WIPI2: variants seen among roughly 807,000 people sequenced by gnomAD.
WIPI2 encodes the protein WD repeat domain, phosphoinositide interacting 2, also known as WD repeat domain phosphoinositide-interacting protein 2.
Under a neutral mutation model 52.3 loss-of-function variants are expected in WIPI2, and 28 were observed. That is an observed-to-expected ratio of 0.54 (90% confidence interval 0.40 to 0.73). The LOEUF (loss-of-function observed/expected upper bound fraction) is 0.73. Ranked by LOEUF, WIPI2 falls within the 30% of genes least tolerant of loss-of-function variation. The probability of loss-of-function intolerance (pLI) is 0.00; values close to 1 mark genes in which losing one functional copy is unlikely to be tolerated. For missense variants in WIPI2, 506 were observed against 602.9 expected (o/e 0.84, Z 1.68); for synonymous variants, 268 against 245.0 (o/e 1.09, Z -0.88).
At position 5,231,041 on chromosome 7, in the gene WIPI2, G is replaced by T. The variant is rs1421916573; in HGVS notation, c.*94G>T. 2.0e-6 allele frequency: 2 copies of T among 1,015,072 alleles called. No homozygotes were observed. The allele number at this position is 1,015,072 out of a possible 1,614,324, so 62.9% of individuals were successfully genotyped here. Reference sequence around the variant, plus strand: ...GCTATGAACTTTGACCTGAGTCGGGGGAGAGGATGGCAGAGACTTTATTAA... The same window carrying T: ...GCTATGAACTTTGACCTGAGTCGGGTGAGAGGATGGCAGAGACTTTATTAA... On this transcript the variant is annotated 3_prime_UTR_variant, in exon 13 of 13. Transcript: ENST00000288828.
At chr7:5,213,698 GTTT>G (rs1426442845) in intron 3 of WIPI2, among the ~76,000 whole-genome samples, 26 of 149,232 alleles carry the variant, frequency 1.7e-4, no homozygotes, top group African/African-American at 6.1e-4. Context: ...TGTTGTTGTT[GTTT>G]TTGAGATGGA....
intron 11 of WIPI2, 76 bp from the exon 12 acceptor site, chr7:5,229,532 C>T: frequency 1.3e-6 from 2 of 1,530,314 alleles, no homozygotes; most frequent in East Asian, 2.4e-5. Context: ...TCTGTTGCCG[C>T]AGGGCAGCCA....
intron 12 of WIPI2, 45 bp downstream of exon 12, chr7:5,229,783 C>A (rs761883984): frequency 1.2e-6 from 2 of 1,608,668 alleles, no homozygotes; most frequent in East Asian, 4.5e-5. Flanking sequence ...GCCCCACAGC[C>A]CCGAGTGCTA....
chr7:5,228,294 C>G, intron 11 of WIPI2, 83 bp downstream of exon 11: 11 of 1,279,274 alleles, frequency 8.6e-6, no homozygotes, highest in Non-Finnish European at 1.2e-5. Flanking sequence ...TTGTTTATTT[C>G]CTTGCAAACC....
intron 2 of WIPI2, among the ~76,000 whole-genome samples, chr7:5,198,625 C>T (rs1781868767): frequency 6.6e-6 from 1 of 152,018 alleles, no homozygotes; most frequent in South Asian, 2.1e-4. Flanking sequence ...GCTTACTTAA[C>T]TCTCATATTC....
At chr7:5,209,389 C>G in intron 3 of WIPI2, among the ~76,000 whole-genome samples, 1 of 152,164 alleles carries the variant, frequency 6.6e-6, no homozygotes, top group East Asian at 1.9e-4. Context: ...GATCAAATAT[C>G]TTCACCATTA....
At position 5,227,605 on chromosome 7, in the gene WIPI2, T is replaced by C. The variant is rs1341929455; in HGVS notation, c.1013+261T>C. 6.6e-6 allele frequency among the ~76,000 whole-genome samples: 1 copy of C among 152,132 alleles called. No homozygotes were observed. Among genetic ancestry groups the C allele is most frequent in the Non-Finnish European group, 1.5e-5 (1 of 68,032 alleles). On this transcript the variant is annotated intron_variant, in intron 10 of 12. Coordinates refer to ENST00000288828, the MANE Select transcript of WIPI2 (RefSeq NM_015610.4). This position sits in a 1 kb window ranked among gnomAD's most constrained non-coding sequence, Gnocchi z 8.1. Reference sequence around the variant, plus strand: ...TTAATGAAAGACGTTAAGTCAAACCTCGTGAGTGTGCCGTAGTTAACCCTT... The same window carrying C: ...TTAATGAAAGACGTTAAGTCAAACCCCGTGAGTGTGCCGTAGTTAACCCTT...
At chr7:5,219,442 C>T (rs1046993662) in intron 7 of WIPI2, among the ~76,000 whole-genome samples, 1 of 90,604 alleles carries the variant, frequency 1.1e-5, no homozygotes, top group African/African-American at 4.5e-5. Flanking sequence ...TTTTAAGGCC[C>T]ATAAAAATAG....
chr7:5,214,305 G>T (rs1298353185), intron 3 of WIPI2: 1 of 1,529,568 alleles, frequency 6.5e-7, no homozygotes, highest in South Asian at 1.2e-5. Flanking sequence ...TCTTTCGTGT[G>T]AATGCTCGTG....
Position 5,227,466 on chromosome 7 carries a change from C to T in WIPI2, c.1013+122C>T, listed in dbSNP as rs905215909. 2.3e-5 allele frequency: 31 copies of T among 1,360,352 alleles called. No individual in the cohort carries two copies. Among genetic ancestry groups the T allele is most frequent in the Non-Finnish European group, 2.8e-5 (29 of 1,019,028 alleles). The allele number at this position is 1,360,352 out of a possible 1,614,324, so 84.3% of individuals were successfully genotyped here. A position where few individuals can be genotyped will look rare whatever the true frequency, so the allele number is the denominator to read the frequency against. On this transcript the variant is annotated intron_variant, in intron 10 of 12. Coordinates refer to ENST00000288828, the MANE Select transcript of WIPI2 (RefSeq NM_015610.4). The surrounding 1 kb of genome is among the most constrained non-coding windows in gnomAD (Gnocchi z 8.1). ...GAGCAGCTTCTTAGAGCCGACACTC[C>T]ATCGAGAGTTGTCGGGGATGGGAGG... is the stretch of plus-strand genomic sequence containing the variant.
intron 3 of WIPI2, among the ~76,000 whole-genome samples, chr7:5,204,178 T>TC (rs1442278242): frequency 6.6e-6 from 1 of 152,130 alleles, no homozygotes; most frequent in African/African-American, 2.4e-5. Context: ...GTTTGAAAGT[T>TC]CATCTGGGCC....
chr7:5,230,871 G>C lies in WIPI2; in HGVS notation c.1289G>C (p.Cys430Ser). 1 of 1,613,880 alleles carries C rather than the reference G, an allele frequency of 6.2e-7. No homozygotes were observed. The highest frequency in any genetic ancestry group is 8.5e-7 in the Non-Finnish European group (1 of 1,179,906). Residue 430 changes from cysteine (C) to serine (S), a missense_variant, in exon 13 of 13, where the codon TGC becomes TCC. Transcript: ENST00000288828. This position sits in a 1 kb window ranked among gnomAD's most constrained non-coding sequence, Gnocchi z 4.8. ...GACCTGGGTGCTGTGGGTGGCGCCT[G>C]CCTGGAGGACGAGGCCAGCGCCCTG... Reference protein sequence around the residue: ...TDDLGAVGGACLEDEASALRL... With the variant: ...TDDLGAVGGASLEDEASALRL...
chr7:5,228,486 T>C (rs1783557816), intron 11 of WIPI2, among the ~76,000 whole-genome samples: 1 of 152,150 alleles, frequency 6.6e-6, no homozygotes, highest in Non-Finnish European at 1.5e-5. Context: ...GCCGCATTTG[T>C]TCTTAGGTGG....
At chr7:5,221,681 G>A (rs1783137158) in intron 7 of WIPI2, among the ~76,000 whole-genome samples, 1 of 152,214 alleles carries the variant, frequency 6.6e-6, no homozygotes, top group South Asian at 2.1e-4. Context: ...CTTGGGGGAA[G>A]TTGGCATCTT....
rs1781411111 is a variant in WIPI2 at position 5,190,348 on chromosome 7, C to A, written c.-72C>A. 9.0e-6 allele frequency: 10 copies of A among 1,116,244 alleles called. No homozygotes were observed. Among genetic ancestry groups the A allele is most frequent in the South Asian group, 8.1e-5 (2 of 24,594 alleles). The allele number at this position is 1,116,244 out of a possible 1,614,324, so 69.1% of individuals were successfully genotyped here. On this transcript the variant is annotated 5_prime_UTR_variant, in exon 1 of 13. Coordinates refer to ENST00000288828, the MANE Select transcript of WIPI2 (RefSeq NM_015610.4). ...GGCGGCGAGCGGGGCCCGGCGCCGA[C>A]CCTGAGTGCAGCCTGACCCGCCCTC...
intron 3 of WIPI2, among the ~76,000 whole-genome samples, chr7:5,205,917 T>C (rs967198698): frequency 7.9e-5 from 12 of 151,000 alleles, no homozygotes; most frequent in Non-Finnish European, 1.6e-4. Flanking sequence ...TTCTGCCGTT[T>C]GCCTGTTTTT....
intron 5 of WIPI2, 164 bp from the exon 6 acceptor site, chr7:5,216,926 G>A: frequency 1.3e-6 from 1 of 769,270 alleles, no homozygotes; most frequent in East Asian, 2.7e-5. Context: ...CACCTAAGGT[G>A]GGGATTTGGG....
At chr7:5,222,543 G>C (rs1783193540) in intron 7 of WIPI2, 59 bp from the exon 8 acceptor site, 1 of 1,546,262 alleles carries the variant, frequency 6.5e-7, no homozygotes, top group South Asian at 1.1e-5. Flanking sequence ...TGCTGTGAAA[G>C]ATGGGAAATT....
chr7:5,229,414 A>G (rs548912976), intron 11 of WIPI2, 194 bp from the exon 12 acceptor site: 28 of 570,316 alleles, frequency 4.9e-5, no homozygotes, highest in African/African-American at 4.9e-4. Context: ...CCCTCTTTAG[A>G]CTTTCCATGT....
Sources: allele counts gnomAD v4.1 joint callset (sites outside exome capture counted in the v4.1 genomes callset), GRCh38; gene constraint gnomAD v4.1.1; non-coding constraint Gnocchi (gnomAD v3.1); transcripts MANE v1.5; gene names NCBI Gene and HGNC (gene_info 2026-07-23, HGNC 2026-07-21).